Variants in ABCC3 observed in about 807,000 individuals in gnomAD.
The protein encoded by ABCC3 is ATP binding cassette subfamily C member 3, also known as ATP-binding cassette sub-family C member 3.
Under a neutral mutation model 165.3 loss-of-function variants are expected in ABCC3, and 121 were observed. The observed-to-expected ratio is 0.73, with a 90% CI of 0.63 to 0.85. The LOEUF (loss-of-function observed/expected upper bound fraction) is 0.85, where lower values mean the gene tolerates loss of function less well. Ranked by LOEUF, ABCC3 falls within the 40% of genes least tolerant of loss-of-function variation. The pLI, the probability that ABCC3 is intolerant of heterozygous loss-of-function variation, is 0.00. For synonymous variants in ABCC3, 733 were observed against 810.1 expected (o/e 0.90, Z 1.62); for missense variants, 1,869 against 1,964.1 (o/e 0.95, Z 0.92).
In ABCC3 at chr17:50,683,982, T is replaced by C; in HGVS notation, c.3988T>C (p.Ser1330Pro). ...GIVGRTGAGK[S>P]SMTLCLFRIL... ...CGTGGGCCGCACTGGGGCTGGCAAG[T>C]CTTCCATGACCCTTTGCCTGTTCCG... Residue 1330 changes from serine to proline, a missense_variant, in exon 28 of 31, where the codon TCT becomes CCT. Ser to Pro is a moderately conservative substitution (Grantham distance 74). Transcript: ENST00000285238. 1 of 1,613,470 alleles carries C rather than the reference T, an allele frequency of 6.2e-7. No individual in the cohort carries two copies. Among genetic ancestry groups the C allele is most frequent in the East Asian group, 2.2e-5 (1 of 44,846 alleles).
Position 50,668,483 on chromosome 17 carries a change from C to G in ABCC3, c.1836C>G (p.Asp612Glu). The G allele has an allele frequency of 2.5e-6, 4 of 1,613,984 alleles. No individual in the cohort carries two copies. The highest frequency in any genetic ancestry group is 3.4e-6 in the Non-Finnish European group (4 of 1,179,926). ...IQQFLSQEELDPQSVERKTIS... is the reference protein window; with the variant it reads ...IQQFLSQEELEPQSVERKTIS... The stretch of plus-strand genomic sequence containing the variant: ...AATTCCTGAGCCAAGAGGAACTTGA[C>G]CCCCAGAGTGTGGAAAGAAAGACCA... Residue 612 changes from aspartate (D) to glutamate (E), a missense_variant, in exon 14 of 31, where the codon GAC becomes GAG. By Grantham distance (45) the Asp-to-Glu change is conservative (BLOSUM62 2). Transcript: ENST00000285238.
At chr17:50,681,989 G>A (rs1025931983) in intron 26 of ABCC3, among the ~76,000 whole-genome samples, 10 of 152,014 alleles carry the variant, frequency 6.6e-5, no homozygotes, top group African/African-American at 2.4e-4. Flanking sequence ...CCATGCTCCT[G>A]TCTCTGTATC....
In ABCC3 at chr17:50,684,712, C is replaced by G; in HGVS notation, c.4117C>G (p.Pro1373Ala). ...RSQLTIIPQD[P>A]ILFSGTLRMN... ...TGAGGCCACGTTGTATCCCCAGGACCCCATCCTGTTCTCGGGGACCCTGCG... is the reference window on the plus strand; with the variant it reads ...TGAGGCCACGTTGTATCCCCAGGACGCCATCCTGTTCTCGGGGACCCTGCG... Residue 1373 changes from proline (P) to alanine (A), a missense_variant, in exon 29 of 31, where the codon CCC becomes GCC. Physicochemically the swap from Pro to Ala is conservative, Grantham distance 27. Transcript: ENST00000285238. The G allele has an allele frequency of 6.2e-7, 1 of 1,613,888 alleles. No individual in the cohort carries two copies. Among genetic ancestry groups the G allele is most frequent in the Non-Finnish European group, 8.5e-7 (1 of 1,179,936 alleles).
At chr17:50,677,610 G>A in intron 23 of ABCC3, 134 bp from the exon 24 acceptor site, 1 of 851,072 alleles carries the variant, frequency 1.2e-6, no homozygotes, top group Non-Finnish European at 1.9e-6. Flanking sequence ...GGAGGTGGGG[G>A]AAGGCAGCGA....
rs946943055 is a variant in ABCC3, at chr17:50,676,513, T to C, written c.3303T>C (p.Leu1101=). Reference sequence around the variant, plus strand: ...CCTTCTTCAACGCCATCTCCACTCTTGTGGTCATCATGGCCAGCACGCCGC... The same window carrying C: ...CCTTCTTCAACGCCATCTCCACTCTCGTGGTCATCATGGCCAGCACGCCGC... The part of the protein sequence containing the change: ...LNSFFNAIST[L]VVIMASTPLF... The change falls in exon 23 of 31, where the codon CTT becomes CTC. Residue 1101 remains leucine, a synonymous_variant. Transcript: ENST00000285238. 6 of 1,613,440 alleles carry C rather than the reference T, an allele frequency of 3.7e-6. No individual in the cohort carries two copies. The Admixed American group carries it at 6.7e-5, about 18-fold the overall frequency.
intron 8 of ABCC3, among the ~76,000 whole-genome samples, chr17:50,662,637 C>T (rs1241732109): frequency 1.3e-5 from 1 of 74,928 alleles, no homozygotes; most frequent in Non-Finnish European, 2.6e-5. Context: ...GACCCTGTCT[C>T]AAAAAAAAAA....
At chr17:50,647,035 C>A (rs752758331) in intron 1 of ABCC3, among the ~76,000 whole-genome samples, 1 of 152,130 alleles carries the variant, frequency 6.6e-6, no homozygotes, top group Non-Finnish European at 1.5e-5. Context: ...CCTGCCACCA[C>A]GCCCAGCTAA....
chr17:50,679,624 T>C (rs971165405), intron 25 of ABCC3, 174 bp from the exon 26 acceptor site: 7 of 585,324 alleles, frequency 1.2e-5, no homozygotes, highest in East Asian at 2.9e-5. Flanking sequence ...AAGGGAGTCA[T>C]TCGTGATTAC....
At chr17:50,652,627 A>G (rs1967133154) in intron 1 of ABCC3, among the ~76,000 whole-genome samples, 1 of 152,154 alleles carries the variant, frequency 6.6e-6, no homozygotes, top group Admixed American at 6.5e-5. Flanking sequence ...AGCAAAGTTA[A>G]CCCATTTTTC....
At chr17:50,664,241 G>A in intron 10 of ABCC3, 130 bp downstream of exon 10, 2 of 1,299,148 alleles carry the variant, frequency 1.5e-6, no homozygotes, top group Non-Finnish European at 1.1e-6. Context: ...TGAGGCAAGA[G>A]GATCACTTGA....
At chr17:50,673,438 T>TAG in intron 18 of ABCC3, 31 bp from the exon 19 acceptor site, 1 of 1,606,558 alleles carries the variant, frequency 6.2e-7, no homozygotes, top group Non-Finnish European at 8.5e-7. Flanking sequence ...TGGAGGGTGG[T>TAG]AGGGGTGAGA....
chr17:50,651,066 G>GAAAAAAAAAAAAA (rs57837230), intron 1 of ABCC3, among the ~76,000 whole-genome samples: 5 of 84,282 alleles, frequency 5.9e-5, no homozygotes, highest in African/African-American at 2.5e-4. Context: ...CTCCATCTCA[G>GAAAAAAAAAAAAA]AAAAAAAAAA....
chr17:50,682,379 T>C (rs1967944166), intron 26 of ABCC3, among the ~76,000 whole-genome samples: 1 of 151,298 alleles, frequency 6.6e-6, no homozygotes, highest in South Asian at 2.1e-4. Flanking sequence ...AATCACGTCA[T>C]TCCTCTGTGT....
intron 8 of ABCC3, among the ~76,000 whole-genome samples, chr17:50,662,902 A>G (rs1036770288): frequency 6.6e-6 from 1 of 152,080 alleles, no homozygotes; most frequent in African/African-American, 2.4e-5. Flanking sequence ...CAATAGGTGA[A>G]GGTGTAGAGC....
intron 30 of ABCC3, among the ~76,000 whole-genome samples, chr17:50,688,930 C>T (rs1036571993): frequency 1.3e-5 from 2 of 150,552 alleles, no homozygotes; most frequent in Non-Finnish European, 3.0e-5. Context: ...GTGGCCAACG[C>T]GGTGGCTCAC....
At chr17:50,642,694 G>A (rs1966914822) in intron 1 of ABCC3, among the ~76,000 whole-genome samples, 1 of 152,232 alleles carries the variant, frequency 6.6e-6, no homozygotes, top group South Asian at 2.1e-4. Flanking sequence ...AAAAGTGGCA[G>A]AAGCCATCCT....
At chr17:50,660,003 A>G (rs990974410) in intron 7 of ABCC3, among the ~76,000 whole-genome samples, 2 of 152,106 alleles carry the variant, frequency 1.3e-5, no homozygotes, top group African/African-American at 4.8e-5. Context: ...ACAAAAACAG[A>G]TGGAGACACC....
At chr17:50,653,237 T>A (rs1431158514) in intron 1 of ABCC3, among the ~76,000 whole-genome samples, 1 of 148,980 alleles carries the variant, frequency 6.7e-6, no homozygotes, top group Non-Finnish European at 1.5e-5. Flanking sequence ...TCCAAGCTAC[T>A]CAGGAGGCTA....
intron 17 of ABCC3, 85 bp downstream of exon 17, chr17:50,669,613 C>T: frequency 7.1e-7 from 1 of 1,416,386 alleles, no homozygotes; most frequent in Admixed American, 2.0e-5. Flanking sequence ...TTCATCCCTT[C>T]ATTCACACAT....
Sources: gnomAD v4.1 joint callset for allele counts (sites outside exome capture counted in the v4.1 genomes callset) on GRCh38, gnomAD v4.1.1 for gene constraint, MANE v1.5 for transcripts, NCBI Gene and HGNC (gene_info 2026-07-23, HGNC 2026-07-21) for gene names.